SYT14: variants seen among roughly 807,000 people sequenced by gnomAD.
The protein encoded by SYT14 is synaptotagmin 14.
In SYT14, 32 loss-of-function variants were observed where a neutral mutation model predicts 74.2. That is an observed-to-expected ratio of 0.43 (90% CI 0.33 to 0.58). SYT14 has a LOEUF of 0.58. Among genes scored for constraint, SYT14 ranks in the 20% least tolerant of loss-of-function variants. The pLI, the probability that SYT14 is intolerant of heterozygous loss-of-function variation, is 0.05. For synonymous variants in SYT14, 298 were observed against 337.7 expected, an observed-to-expected ratio of 0.88 and a Z score of 1.29; for missense variants, 791 against 981.8, an observed-to-expected ratio of 0.81 and a Z score of 2.60.
intron 5 of SYT14, among the ~76,000 whole-genome samples, chr1:210,087,838 TG>T (rs2081768873): frequency 6.6e-6 from 1 of 152,162 alleles, no homozygotes; most frequent in Admixed American, 6.5e-5. Flanking sequence ...TGCACCGCTG[TG>T]GCTTCCTTTG....
chr1:210,147,776 A>G (rs2083071205), intron 7 of SYT14, among the ~76,000 whole-genome samples: 1 of 152,106 alleles, frequency 6.6e-6, no homozygotes, highest in African/African-American at 2.4e-5. Flanking sequence ...TAAGAGTGCT[A>G]GTGAGAAAGG....
chr1:210,150,141 A>G (rs778436411), intron 7 of SYT14, among the ~76,000 whole-genome samples: 2 of 152,120 alleles, frequency 1.3e-5, no homozygotes, highest in African/African-American at 4.8e-5. Flanking sequence ...CCTCTTTCCC[A>G]TGACACTCAG....
chr1:210,009,611 G>T (rs2080049624), intron 2 of SYT14, among the ~76,000 whole-genome samples: 2 of 152,026 alleles, frequency 1.3e-5, no homozygotes, highest in South Asian at 4.1e-4. Context: ...TGCCAGCTTG[G>T]TATTATTTAG....
chr1:209,995,516 T>G (rs536586586), intron 2 of SYT14, among the ~76,000 whole-genome samples: 1 of 152,196 alleles, frequency 6.6e-6, no homozygotes, highest in Non-Finnish European at 1.5e-5. Context: ...AAAAGACATA[T>G]AGACAACCAC....
chr1:210,094,655 T>A, intron 6 of SYT14, 62 bp downstream of exon 5: 1 of 1,554,964 alleles, frequency 6.4e-7, no homozygotes, highest in Non-Finnish European at 8.9e-7. Context: ...AATCCTGTGC[T>A]TCTCCTCTTG....
intron 5 of SYT14, among the ~76,000 whole-genome samples, chr1:210,088,339 T>A (rs1264362514): frequency 6.6e-6 from 1 of 152,090 alleles, no homozygotes; most frequent in Non-Finnish European, 1.5e-5. Flanking sequence ...CCTAATGCTA[T>A]CCCTCCCCTA....
intron 2 of SYT14, among the ~76,000 whole-genome samples, chr1:210,008,831 G>C (rs539502234): frequency 6.6e-6 from 1 of 152,136 alleles, no homozygotes; most frequent in Admixed American, 6.5e-5. Context: ...AGTATACAAA[G>C]ATTTTAGGGG....
intron 5 of SYT14, among the ~76,000 whole-genome samples, chr1:210,073,801 C>T (rs970188800): frequency 3.3e-5 from 5 of 151,952 alleles, no homozygotes; most frequent in South Asian, 4.1e-4. Context: ...TATTCTGTCT[C>T]TATGTATATA....
intron 5 of SYT14, among the ~76,000 whole-genome samples, chr1:210,075,912 A>G (rs2081492396): frequency 6.6e-6 from 1 of 152,204 alleles, no homozygotes; most frequent in Non-Finnish European, 1.5e-5. Context: ...TAGTACCTGC[A>G]TGATGGGTGT....
intron 4 of SYT14, among the ~76,000 whole-genome samples, chr1:210,018,384 C>T (rs912564647): frequency 7.9e-5 from 12 of 152,220 alleles, no homozygotes; most frequent in Non-Finnish European, 1.5e-4. Context: ...CCACCCGCCT[C>T]GGCCTCCCAA....
exon 4 of SYT14, chr1:210,016,906 A>G: frequency 8.9e-6 from 11 of 1,231,796 alleles, no homozygotes; most frequent in Non-Finnish European, 1.1e-5. Flanking sequence ...CTATTATAAA[A>G]GAAGACATAC....
intron 7 of SYT14, among the ~76,000 whole-genome samples, chr1:210,148,296 C>G (rs950510071): frequency 6.6e-6 from 1 of 152,066 alleles, no homozygotes; most frequent in Non-Finnish European, 1.5e-5. Flanking sequence ...ATCACGAGGT[C>G]AGGAGATCAA....
chr1:209,940,870 A>T (rs2078719026), intron 1 of SYT14, among the ~76,000 whole-genome samples: 1 of 152,214 alleles, frequency 6.6e-6, no homozygotes, highest in Non-Finnish European at 1.5e-5. Context: ...TGAATAGCAT[A>T]CATCAAAACT....
chr1:210,128,698 T>G (rs12739243), intron 7 of SYT14, among the ~76,000 whole-genome samples: 2 of 152,084 alleles, frequency 1.3e-5, no homozygotes, highest in African/African-American at 4.8e-5. Context: ...CAGAATCTTA[T>G]GGAATACGAA....
chr1:209,952,982 G>GTTT (rs1456426409), intron 2 of SYT14: 44 of 1,386,216 alleles, frequency 3.2e-5, no homozygotes, highest in Non-Finnish European at 4.1e-5. Flanking sequence ...ATAAAGCCTG[G>GTTT]TTTCTAGCAT....
chr1:210,163,117 A>G, exon 10 of SYT14: 1 of 453,448 alleles, frequency 2.2e-6, no homozygotes. Context: ...CTGCATTGCT[A>G]ACAACTGTTA....
chr1:210,086,410 A>C (rs2081732105), intron 5 of SYT14, among the ~76,000 whole-genome samples: 1 of 152,190 alleles, frequency 6.6e-6, no homozygotes, highest in Non-Finnish European at 1.5e-5. Context: ...TTCTTCAGTG[A>C]GCAATAATCA....
chr1:210,054,598 A>G (rs1455088655), intron 5 of SYT14, among the ~76,000 whole-genome samples: 3 of 152,168 alleles, frequency 2.0e-5, no homozygotes, highest in African/African-American at 7.2e-5. Context: ...AGTAGATTAG[A>G]AACTGTGTGC....
exon 10 of SYT14, chr1:210,169,221 GTTTTTTTTTTTTTTT>G (rs35974726): frequency 4.0e-5 from 2 of 50,242 alleles, no homozygotes; most frequent in African/African-American, 7.8e-5. Context: ...TGTTTTTGGT[GTTTTTTTTTTTTTTT>G]TTTTTTTTTT....
Sources: allele counts gnomAD v4.1 joint callset (sites outside exome capture counted in the v4.1 genomes callset), GRCh38; gene constraint gnomAD v4.1.1; transcripts MANE v1.5; gene names NCBI Gene and HGNC (gene_info 2026-07-23, HGNC 2026-07-21).